Variants in NEGR1 observed in about 807,000 individuals in gnomAD.
The protein encoded by NEGR1 is neuronal growth regulator 1.
A neutral mutation model predicts 40.9 loss-of-function variants in NEGR1; 10 were observed. The ratio of observed to expected loss-of-function variants is 0.24; its 90% CI spans 0.15 to 0.42. NEGR1 has a LOEUF of 0.42. Ranked by LOEUF, NEGR1 falls within the 10% of genes least tolerant of loss-of-function variation. The pLI is 1.00. For synonymous variants in NEGR1, 185 were observed against 166.8 expected (o/e 1.11, Z -0.84); for missense variants, 352 against 438.9 (o/e 0.80, Z 1.77).
intron 2 of NEGR1, among the ~76,000 whole-genome samples, chr1:71,853,683 C>T (rs1456011499): frequency 6.6e-6 from 1 of 152,080 alleles, no homozygotes; most frequent in Non-Finnish European, 1.5e-5. Context: ...AATTTACAGG[C>T]TTTCTGTCCA....
At chr1:71,704,697 C>A (rs1182708247) in intron 3 of NEGR1, among the ~76,000 whole-genome samples, 1 of 151,786 alleles carries the variant, frequency 6.6e-6, no homozygotes, top group African/African-American at 2.4e-5. Context: ...CTCTATTAAA[C>A]CTTTAAGAAA....
At chr1:72,152,468 A>G (rs1324653325) in intron 1 of NEGR1, among the ~76,000 whole-genome samples, 2 of 151,978 alleles carry the variant, frequency 1.3e-5, no homozygotes, top group Admixed American at 6.6e-5. Flanking sequence ...TAAAAAGTCA[A>G]AAAACAAGAG....
chr1:71,592,649 T>C (rs1465301082), intron 6 of NEGR1, among the ~76,000 whole-genome samples, 168 bp downstream of exon 6: 4 of 152,194 alleles, frequency 2.6e-5, no homozygotes, highest in Admixed American at 2.6e-4. Context: ...GACAACTATA[T>C]GATTTGGGAG....
intron 1 of NEGR1, among the ~76,000 whole-genome samples, chr1:72,120,033 C>A (rs1443298660): frequency 2.6e-5 from 4 of 151,938 alleles, no homozygotes; most frequent in Non-Finnish European, 5.9e-5. Context: ...CATAAACTGG[C>A]AAGGTCAGAA....
intron 4 of NEGR1, among the ~76,000 whole-genome samples, chr1:71,620,239 T>C (rs1324214691): frequency 2.0e-5 from 3 of 151,976 alleles, no homozygotes; most frequent in Non-Finnish European, 4.4e-5. Flanking sequence ...CATTAGTGAA[T>C]TTAGAGTCTA....
intron 1 of NEGR1, among the ~76,000 whole-genome samples, chr1:72,235,913 T>A (rs1654530020): frequency 6.6e-6 from 1 of 152,024 alleles, no homozygotes; most frequent in African/African-American, 2.4e-5. Context: ...GTGAATTTTT[T>A]AAAGTGAGGT....
intron 2 of NEGR1, among the ~76,000 whole-genome samples, chr1:71,886,923 C>T (rs1171451916): frequency 6.6e-6 from 1 of 152,066 alleles, no homozygotes; most frequent in Non-Finnish European, 1.5e-5. Context: ...ATATAATTGA[C>T]CCTTGAGCAA....
chr1:71,611,874 C>T (rs1650265852), intron 4 of NEGR1, among the ~76,000 whole-genome samples: 1 of 152,212 alleles, frequency 6.6e-6, no homozygotes, highest in Admixed American at 6.5e-5. Context: ...AGTTTCCCCG[C>T]CTCTGAGTAT....
intron 3 of NEGR1, among the ~76,000 whole-genome samples, chr1:71,724,740 T>C (rs1032968935): frequency 1.3e-5 from 2 of 152,154 alleles, no homozygotes; most frequent in African/African-American, 2.4e-5. Flanking sequence ...TATGTTTACA[T>C]CTTTTGTGTA....
At chr1:71,539,416 G>A (rs1369947867) in intron 6 of NEGR1, among the ~76,000 whole-genome samples, 1 of 151,638 alleles carries the variant, frequency 6.6e-6, no homozygotes, top group Non-Finnish European at 1.5e-5. Flanking sequence ...AGCCTACGAA[G>A]GAAAACATTA....
At chr1:71,806,893 TTTTTG>T (rs1657794465) in intron 2 of NEGR1, among the ~76,000 whole-genome samples, 1 of 143,544 alleles carries the variant, frequency 7.0e-6, no homozygotes. Context: ...GATCTGTTTT[TTTTTG>T]TTTTTTTTTT....
intron 1 of NEGR1, among the ~76,000 whole-genome samples, chr1:72,223,859 A>G (rs1426350457): frequency 6.6e-6 from 1 of 152,116 alleles, no homozygotes; most frequent in Non-Finnish European, 1.5e-5. Flanking sequence ...CAAATCAGCA[A>G]CATCCCCATC....
intron 4 of NEGR1, among the ~76,000 whole-genome samples, chr1:71,682,851 A>T (rs184619391): frequency 8.5e-5 from 13 of 152,176 alleles, no homozygotes; most frequent in Admixed American, 1.3e-4. Context: ...TGTTCAAAAG[A>T]GCCTGGCACC....
intron 1 of NEGR1, among the ~76,000 whole-genome samples, chr1:72,109,595 TC>T (rs1466437675): frequency 6.6e-6 from 1 of 151,704 alleles, no homozygotes; most frequent in African/African-American, 2.4e-5. Flanking sequence ...TATTATTATT[TC>T]TTCATCTTTC....
At chr1:71,771,011 T>C (rs1459362884) in intron 3 of NEGR1, among the ~76,000 whole-genome samples, 1 of 152,184 alleles carries the variant, frequency 6.6e-6, no homozygotes, top group Non-Finnish European at 1.5e-5. Flanking sequence ...CGTATGTTTA[T>C]TGTGGCACTA....
At chr1:71,522,083 C>G (rs910755119) in intron 6 of NEGR1, among the ~76,000 whole-genome samples, 1 of 151,892 alleles carries the variant, frequency 6.6e-6, no homozygotes, top group Non-Finnish European at 1.5e-5. Context: ...GTGCTTTGCT[C>G]TTATGGGTGC....
intron 1 of NEGR1, among the ~76,000 whole-genome samples, chr1:72,016,069 C>G (rs1646707162): frequency 6.6e-6 from 1 of 152,134 alleles, no homozygotes; most frequent in African/African-American, 2.4e-5. Flanking sequence ...GTCAGTCTCA[C>G]ATTTTTGCAT....
At chr1:71,442,576 T>G (rs1312082345) in intron 6 of NEGR1, among the ~76,000 whole-genome samples, 1 of 152,136 alleles carries the variant, frequency 6.6e-6, no homozygotes, top group Non-Finnish European at 1.5e-5. Flanking sequence ...ATTGTGCAAC[T>G]GCACTCCAGC....
intron 1 of NEGR1, among the ~76,000 whole-genome samples, chr1:72,090,456 C>T (rs1451567773): frequency 6.6e-6 from 1 of 150,922 alleles, no homozygotes; most frequent in Non-Finnish European, 1.5e-5. Flanking sequence ...GGAATTTACA[C>T]AGTTAATTTA....
Sources: gnomAD v4.1 joint callset for allele counts (sites outside exome capture counted in the v4.1 genomes callset) on GRCh38, gnomAD v4.1.1 for gene constraint, MANE v1.5 for transcripts, NCBI Gene and HGNC (gene_info 2026-07-23, HGNC 2026-07-21) for gene names.